ASH1L: variants seen among roughly 807,000 people sequenced by gnomAD.
ASH1L encodes the protein ASH1 like histone lysine methyltransferase.
In ASH1L, 23 loss-of-function variants were observed where a neutral mutation model predicts 269.0. The observed-to-expected ratio is 0.09, with a 90% confidence interval of 0.06 to 0.12. ASH1L has a LOEUF of 0.12. ASH1L is among the 10% of genes least tolerant of loss of function. ASH1L has a pLI of 1.00. For synonymous variants in ASH1L, 1,187 were observed against 1,253.5 expected, an observed-to-expected ratio of 0.95 and a Z score of 1.12; for missense variants, 2,912 against 3,567.8, an observed-to-expected ratio of 0.82 and a Z score of 4.68.
intron 25 of ASH1L, among the ~76,000 whole-genome samples, chr1:155,339,989 A>G (rs1446768030): frequency 6.6e-6 from 1 of 152,194 alleles, no homozygotes; most frequent in East Asian, 1.9e-4. Flanking sequence ...TGACTGAAAC[A>G]TGTTGCACAT....
intron 7 of ASH1L, among the ~76,000 whole-genome samples, chr1:155,391,969 TAAAAATAA>T (rs1164009430): frequency 6.6e-6 from 1 of 151,904 alleles, no homozygotes; most frequent in African/African-American, 2.4e-5. Context: ...AAAATAGAAA[TAAAAATAA>T]AAAAATAAGA....
intron 1 of ASH1L, among the ~76,000 whole-genome samples, chr1:155,557,439 T>C (rs1041845301): frequency 1.3e-5 from 2 of 151,716 alleles, no homozygotes; most frequent in Non-Finnish European, 2.9e-5. Flanking sequence ...ATTTTGTTTT[T>C]TGGGTTTTTT....
At position 155,478,918 on chromosome 1, in the gene ASH1L, T is replaced by C; in HGVS notation, c.3952A>G (p.Thr1318Ala). 1 of 1,614,052 alleles carries C rather than the reference T, an allele frequency of 6.2e-7. No individual in the cohort carries two copies. The highest frequency in any genetic ancestry group is 8.5e-7 in the Non-Finnish European group (1 of 1,180,016). Residue 1318 changes from threonine to alanine, a missense_variant, in exon 3 of 28, where the codon ACT becomes GCT. Coordinates refer to ENST00000392403, the MANE Select transcript of ASH1L (RefSeq NM_018489.3). This position sits in a 1 kb window ranked among gnomAD's most constrained non-coding sequence, Gnocchi z 4.6. ...CTATTAAAGTTGATTCGAAAGATAG[T>C]TGGCAGAAGATCTCGGGGGATAAAA... ...HHFIPRDLLP[T>A]IFRINFNSFY...
At chr1:155,390,962 T>G (rs976883681) in intron 7 of ASH1L, among the ~76,000 whole-genome samples, 4 of 151,618 alleles carry the variant, frequency 2.6e-5, no homozygotes, top group African/African-American at 9.7e-5. Context: ...TTTTTTTTTT[T>G]TGAGACGGAG....
intron 2 of ASH1L, among the ~76,000 whole-genome samples, chr1:155,511,614 T>C (rs1010943404): frequency 1.3e-5 from 2 of 152,198 alleles, no homozygotes; most frequent in African/African-American, 2.4e-5. Context: ...GAAGTGATTC[T>C]CCTGCCTCAG....
intron 5 of ASH1L, among the ~76,000 whole-genome samples, chr1:155,427,944 CCTT>C (rs1422545862): frequency 6.6e-6 from 1 of 152,140 alleles, no homozygotes; most frequent in Non-Finnish European, 1.5e-5. Flanking sequence ...GGCACTTCGT[CCTT>C]CTCCTTCTTG....
intron 27 of ASH1L, 135 bp downstream of exon 27, chr1:155,337,954 A>C: frequency 1.8e-6 from 2 of 1,100,794 alleles, no homozygotes; most frequent in Non-Finnish European, 1.3e-6. Context: ...AGATACAACT[A>C]AAAGCAAGCC....
intron 1 of ASH1L, among the ~76,000 whole-genome samples, chr1:155,544,703 AAGAC>A (rs1486136592): frequency 6.6e-6 from 1 of 152,206 alleles, no homozygotes; most frequent in East Asian, 1.9e-4. Flanking sequence ...ATAAAATAAA[AAGAC>A]AAATAAGATT....
chr1:155,547,710 T>A (rs1571130355), intron 1 of ASH1L, among the ~76,000 whole-genome samples: 1 of 145,348 alleles, frequency 6.9e-6, no homozygotes, highest in Non-Finnish European at 1.5e-5. Context: ...GCAACAAGAG[T>A]GAAACTCAGT....
In ASH1L at chr1:155,467,156, C is replaced by A. The variant is rs1256577254; in HGVS notation, c.4985-7258G>T. Among the ~76,000 whole-genome samples, 154 of 152,208 alleles carry A rather than the reference C, an allele frequency of 1.0e-3. 1 individual carries two copies. The highest frequency in any genetic ancestry group is 3.7e-4 in the Non-Finnish European group (25 of 68,010). On this transcript the variant is annotated intron_variant, in intron 3 of 27. Transcript: ENST00000392403. The stretch of plus-strand genomic sequence containing the variant: ...TCTACTGCTCTGCCAATTTTAGAAT[C>A]CAGGTTTGTAAGTTCTGTCATGTGT...
intron 3 of ASH1L, among the ~76,000 whole-genome samples, chr1:155,475,589 T>C (rs1665478288): frequency 6.6e-6 from 1 of 152,240 alleles, no homozygotes; most frequent in African/African-American, 2.4e-5. Context: ...TAAGCCATTA[T>C]TTATTTGCTT....
rs75552126 is a variant in ASH1L, at chr1:155,488,950, T to C, written c.421-6501A>G. 6.1e-3 allele frequency among the ~76,000 whole-genome samples: 932 copies of C among 152,294 alleles called. 10 individuals are homozygous for C. The highest frequency in any genetic ancestry group is 0.022 in the African/African-American group (908 of 41,562). On this transcript the variant is annotated intron_variant, in intron 2 of 27. Coordinates refer to ENST00000392403, the MANE Select transcript of ASH1L (RefSeq NM_018489.3). The stretch of plus-strand genomic sequence containing the variant: ...AATAATACCTTTCATGAATAAAGAC[T>C]TTACATTTCAGATATTTTACCATAT...
At chr1:155,454,759 ACT>A (rs1020774531) in intron 4 of ASH1L, among the ~76,000 whole-genome samples, 2 of 152,002 alleles carry the variant, frequency 1.3e-5, no homozygotes, top group Admixed American at 6.6e-5. Context: ...CAAGAGCGAG[ACT>A]CTGTCAAAAA....
intron 3 of ASH1L, 96 bp downstream of exon 3, chr1:155,477,790 G>T (rs1273835940): frequency 1.6e-6 from 2 of 1,212,810 alleles, no homozygotes; most frequent in Non-Finnish European, 2.2e-6. Flanking sequence ...AACAAAAAAA[G>T]ATATATATAT....
At chr1:155,397,446 G>A (rs1389675323) in intron 6 of ASH1L, among the ~76,000 whole-genome samples, 6 of 151,024 alleles carry the variant, frequency 4.0e-5, no homozygotes, top group African/African-American at 9.7e-5. Context: ...GCAGTGAGCC[G>A]AGATTGTGCC....
intron 5 of ASH1L, among the ~76,000 whole-genome samples, chr1:155,429,999 A>G (rs1460610986): frequency 6.6e-6 from 1 of 150,690 alleles, no homozygotes; most frequent in Admixed American, 6.6e-5. Context: ...TTTTTGAGAC[A>G]GAGTCTCACT....
At chr1:155,433,171 T>G (rs1661737652) in intron 5 of ASH1L, 1 of 1,521,242 alleles carries the variant, frequency 6.6e-7, no homozygotes, top group Non-Finnish European at 8.8e-7. Flanking sequence ...TGGGGCGCCT[T>G]CCTTCCCCAT....
chr1:155,501,166 A>T lies in ASH1L; in HGVS notation c.421-18717T>A, dbSNP rs1319549363. Reference sequence around the variant, plus strand: ...CATTAAGATGTGTTAAACTCTTTCAAAAGGTGTTTGACATCTAAAAATGTT... The same window carrying T: ...CATTAAGATGTGTTAAACTCTTTCATAAGGTGTTTGACATCTAAAAATGTT... On this transcript the variant is annotated intron_variant, in intron 2 of 27. Transcript: ENST00000392403. Among the ~76,000 whole-genome samples, 3 of 152,144 alleles carry T rather than the reference A, an allele frequency of 2.0e-5. No individual in the cohort carries two copies. The East Asian group carries it at 5.8e-4, about 29-fold the overall frequency.
At chr1:155,348,699 T>G (rs1486862368) in intron 19 of ASH1L, among the ~76,000 whole-genome samples, 1 of 151,976 alleles carries the variant, frequency 6.6e-6, no homozygotes, top group Admixed American at 6.6e-5. Flanking sequence ...CTGGCCAACA[T>G]GGTGAAACCC....
Sources: gnomAD v4.1 joint callset for allele counts (sites outside exome capture counted in the v4.1 genomes callset) on GRCh38, gnomAD v4.1.1 for gene constraint, Gnocchi (gnomAD v3.1) non-coding constraint, MANE v1.5 for transcripts, NCBI Gene and HGNC (gene_info 2026-07-23, HGNC 2026-07-21) for gene names.